The following GPM6B variants were observed in gnomAD, a reference collection of about 807,000 sequenced individuals.
The protein encoded by GPM6B is neuronal membrane glycoprotein M6-b.
Under a neutral mutation model 27.2 loss-of-function variants are expected in GPM6B, and 4 were observed. The ratio of observed to expected loss-of-function variants is 0.15; its 90% CI spans 0.07 to 0.34. GPM6B has a LOEUF of 0.34. GPM6B is among the 10% of genes least tolerant of loss of function. The probability of loss-of-function intolerance (pLI) is 1.00; values close to 1 mark genes in which losing one functional copy is unlikely to be tolerated. For synonymous variants in GPM6B, 124 were observed against 103.1 expected, an observed-to-expected ratio of 1.20 and a Z score of -1.23; for missense variants, 183 against 261.9, an observed-to-expected ratio of 0.70 and a Z score of 2.08.
At chrX:13,911,369 C>T (rs2050377361) in intron 1 of GPM6B, among the ~76,000 whole-genome samples, 1 of 111,920 alleles carries the variant, frequency 8.9e-6, no homozygotes, top group Admixed American at 9.5e-5. Context: ...TACCATAATT[C>T]TTTCTTAGGT....
intron 1 of GPM6B, among the ~76,000 whole-genome samples, chrX:13,830,507 T>C (rs369126852): frequency 6.2e-4 from 70 of 112,462 alleles, no homozygotes; most frequent in African/African-American, 2.2e-3. Context: ...GGAGGGAGTG[T>C]TGAGGATGTG....
At chrX:13,907,572 A>C (rs933325170) in intron 1 of GPM6B, among the ~76,000 whole-genome samples, 1 of 111,245 alleles carries the variant, frequency 9.0e-6, no homozygotes, top group Non-Finnish European at 1.9e-5. Context: ...AATCCCAGTG[A>C]GGCAGGAGAA....
At chrX:13,919,123 T>C (rs914797584) in intron 1 of GPM6B, among the ~76,000 whole-genome samples, 1 of 111,674 alleles carries the variant, frequency 9.0e-6, no homozygotes, top group Non-Finnish European at 1.9e-5. Context: ...AGGCAAACAG[T>C]CTGGAGGTGG....
intron 1 of GPM6B, among the ~76,000 whole-genome samples, chrX:13,824,369 G>A (rs769106301): frequency 7.1e-5 from 8 of 112,265 alleles, no homozygotes; most frequent in African/African-American, 1.3e-4. Flanking sequence ...CATAGGGGAA[G>A]TTTTTAAAAT....
At chrX:13,874,717 A>C (rs2050015873) in intron 1 of GPM6B, among the ~76,000 whole-genome samples, 1 of 110,418 alleles carries the variant, frequency 9.1e-6, no homozygotes, top group South Asian at 3.9e-4. Context: ...CTCCAAAAAC[A>C]AACAAACAAA....
At position 13,787,041 on chromosome X, in the gene GPM6B, C is replaced by CAAA. The variant is rs869123073; in HGVS notation, c.182-1236_182-1234dup. ...CTTTAGGGCAAGCACATTAAGCCAG[C>CAAA]AAAAAAAAAAAAAAAAAAAAAAAAA... On this transcript the variant is annotated intron_variant, in intron 2 of 7. Coordinates refer to ENST00000316715, the MANE Select transcript of GPM6B (RefSeq NM_001001995.3). 3.1e-3 allele frequency among the ~76,000 whole-genome samples: 77 copies of CAAA among 24,479 alleles called. 3 individuals are homozygous for CAAA. The highest frequency in any genetic ancestry group is 9.6e-3 in the African/African-American group (47 of 4,872). The allele number at this position is 24,479 out of a possible 115,157, so 21.3% of individuals were successfully genotyped here.
chrX:13,791,713 C>T (rs990816119), intron 2 of GPM6B, among the ~76,000 whole-genome samples: 3 of 111,699 alleles, frequency 2.7e-5, no homozygotes, highest in Non-Finnish European at 5.6e-5. Context: ...GAATAAAACA[C>T]CTTTTGTCCT....
chrX:13,777,218 C>G, intron 6 of GPM6B, 134 bp downstream of exon 6: 5 of 493,859 alleles, frequency 1.0e-5, no homozygotes, highest in Non-Finnish European at 1.8e-5. Context: ...ACATATAGCT[C>G]TATCTTAAAG....
intron 1 of GPM6B, among the ~76,000 whole-genome samples, chrX:13,853,578 G>A (rs1170024825): frequency 1.4e-5 from 1 of 71,065 alleles, no homozygotes; most frequent in Non-Finnish European, 2.4e-5. Flanking sequence ...GCGACAGGGT[G>A]AGACACCACC....
At chrX:13,865,547 AAAAAAAAAAAAAAAAG>A (rs1180804224) in intron 1 of GPM6B, among the ~76,000 whole-genome samples, 4 of 45,338 alleles carry the variant, frequency 8.8e-5, no homozygotes, top group African/African-American at 2.5e-4. Flanking sequence ...CTCTTCAAAA[AAAAAAAAAAAAAAAAG>A]AAAGAAAGAA....
chrX:13,792,897 TAAA>T (rs748291980), intron 2 of GPM6B, among the ~76,000 whole-genome samples: 11 of 80,889 alleles, frequency 1.4e-4, no homozygotes, highest in South Asian at 7.3e-4. Flanking sequence ...AGACTCCGTT[TAAA>T]AAAAAAAAAA....
intron 1 of GPM6B, among the ~76,000 whole-genome samples, chrX:13,913,666 C>T (rs11798108): frequency 0.41 from 45,591 of 111,247 alleles, 7,883 homozygotes; most frequent in Non-Finnish European, 0.56. Flanking sequence ...CTTGTTCGGT[C>T]TTAATTTTGG....
intron 1 of GPM6B, among the ~76,000 whole-genome samples, chrX:13,824,366 G>A (rs2049347001): frequency 8.9e-6 from 1 of 112,217 alleles, no homozygotes; most frequent in Non-Finnish European, 1.9e-5. Flanking sequence ...AATCATAGGG[G>A]AAGTTTTTAA....
chrX:13,887,655 G>A (rs1205651890), intron 1 of GPM6B, among the ~76,000 whole-genome samples: 1 of 112,032 alleles, frequency 8.9e-6, no homozygotes, highest in Non-Finnish European at 1.9e-5. Context: ...CCCTCTGTAA[G>A]TATTCAAAAT....
chrX:13,812,434 C>G (rs930680034), intron 1 of GPM6B, among the ~76,000 whole-genome samples: 5 of 111,735 alleles, frequency 4.5e-5, no homozygotes, highest in African/African-American at 1.6e-4. Flanking sequence ...CTCTTAAAAA[C>G]AGTCGGTGTG....
intron 2 of GPM6B, among the ~76,000 whole-genome samples, chrX:13,787,834 C>G (rs775802755): frequency 8.9e-6 from 1 of 111,861 alleles, no homozygotes; most frequent in East Asian, 2.8e-4. Flanking sequence ...ACAACCTCCC[C>G]ACATTCTCAG....
chrX:13,823,634 C>G, intron 1 of GPM6B, among the ~76,000 whole-genome samples: 1 of 110,190 alleles, frequency 9.1e-6, no homozygotes, highest in Non-Finnish European at 1.9e-5. Context: ...ATTCTCCTGC[C>G]ACAGCCTCCC....
chrX:13,831,590 T>C (rs2049440643), intron 1 of GPM6B, among the ~76,000 whole-genome samples: 1 of 111,616 alleles, frequency 9.0e-6, no homozygotes, highest in South Asian at 3.7e-4. Flanking sequence ...GTCAAGTGAC[T>C]GTGCACCTGC....
intron 6 of GPM6B, 54 bp from the exon 7 acceptor site, chrX:13,776,357 A>G: frequency 2.0e-6 from 2 of 978,552 alleles, no homozygotes; most frequent in South Asian, 4.5e-5. Context: ...GAAATGGCCT[A>G]CACTCATTGT....
Sources: allele counts gnomAD v4.1 joint callset (sites outside exome capture counted in the v4.1 genomes callset), GRCh38; gene constraint gnomAD v4.1.1; transcripts MANE v1.5; gene names NCBI Gene and HGNC (gene_info 2026-07-23, HGNC 2026-07-21).